The following AMOTL2 variants were observed in gnomAD, a reference collection of about 807,000 sequenced individuals.
AMOTL2 encodes angiomotin-like protein 2.
In AMOTL2, 33 loss-of-function variants were observed where a neutral mutation model predicts 78.4. The ratio of observed to expected loss-of-function variants is 0.42; its 90% CI spans 0.32 to 0.56. AMOTL2 has a LOEUF of 0.56. Among genes scored for constraint, AMOTL2 ranks in the 20% least tolerant of loss-of-function variants. The pLI is 0.12. For missense variants in AMOTL2, 983 were observed against 1,030.1 expected, an observed-to-expected ratio of 0.95 and a Z score of 0.63; for synonymous variants, 422 against 428.8, an observed-to-expected ratio of 0.98 and a Z score of 0.20.
Position 134,366,309 on chromosome 3 carries a change from A to T in AMOTL2, c.1160T>A (p.Leu387Gln). The T allele has an allele frequency of 4.3e-6, 7 of 1,614,178 alleles. No homozygotes were observed. The highest frequency in any genetic ancestry group is 5.9e-6 in the Non-Finnish European group (7 of 1,180,032). ...RNKMDSEMRRLQDFNRDLRER... is the reference protein window; with the variant it reads ...RNKMDSEMRRQQDFNRDLRER... ...TCTAAGATCCCGGTTGAAGTCTTGC[A>T]GCCTCCTCATTTCACTGTCCATCTT... The change falls in exon 4 of 10, where the codon CTG becomes CAG. Residue 387 changes from leucine (L) to glutamine (Q), a missense_variant. Coordinates refer to ENST00000249883, the MANE Select transcript of AMOTL2 (RefSeq NM_016201.4).
rs1180387459 is a variant in AMOTL2, at chr3:134,355,436, C to T, written c.*2269G>A. On this transcript the variant is annotated 3_prime_UTR_variant, in exon 10 of 10. Coordinates refer to ENST00000249883, the MANE Select transcript of AMOTL2 (RefSeq NM_016201.4). The stretch of plus-strand genomic sequence containing the variant: ...GTGATGTCACAGCAAAGGAGGGAGG[C>T]GGTGGCTAAGAACATGCACATTCTT... Among the ~76,000 whole-genome samples, 4 of 152,094 alleles carry T rather than the reference C, an allele frequency of 2.6e-5. No individual in the cohort carries two copies. Among genetic ancestry groups the T allele is most frequent in the East Asian group, 1.9e-4 (1 of 5,186 alleles).
intron 6 of AMOTL2, among the ~76,000 whole-genome samples, chr3:134,361,093 G>A (rs1359235108): frequency 2.0e-5 from 3 of 152,142 alleles, no homozygotes; most frequent in South Asian, 2.1e-4. Context: ...AGAATGGCTT[G>A]AACCTGGGAG....
rs181930857 is a variant in AMOTL2, at chr3:134,367,036, G to C, written c.1041+461C>G. Among the ~76,000 whole-genome samples, 211 of 152,318 alleles carry C rather than the reference G, an allele frequency of 1.4e-3. 1 individual carries two copies. Among genetic ancestry groups the C allele is most frequent in the Non-Finnish European group, 2.1e-3 (143 of 68,030 alleles). The stretch of plus-strand genomic sequence containing the variant: ...GCTCCTCCCACTTGGCTGCTGGCAG[G>C]TTCCGCACGTGCTCTTAGCTGGCCT... On this transcript the variant is annotated intron_variant, in intron 3 of 9. Coordinates refer to ENST00000249883, the MANE Select transcript of AMOTL2 (RefSeq NM_016201.4).
At chr3:134,366,932 A>G (rs545232654) in intron 3 of AMOTL2, 17 of 155,384 alleles carry the variant, frequency 1.1e-4, no homozygotes, top group African/African-American at 3.8e-4. Context: ...TCACTAAAGA[A>G]GCGGGCACCA....
At chr3:134,370,471 G>T (rs1482678746) in intron 2 of AMOTL2, among the ~76,000 whole-genome samples, 1 of 152,214 alleles carries the variant, frequency 6.6e-6, no homozygotes, top group Non-Finnish European at 1.5e-5. Context: ...CTACAGCTAA[G>T]CAGACAATGG....
At chr3:134,363,590 C>T (rs1200825906) in intron 5 of AMOTL2, among the ~76,000 whole-genome samples, 1 of 152,240 alleles carries the variant, frequency 6.6e-6, no homozygotes, top group Non-Finnish European at 1.5e-5. Flanking sequence ...AACAGGCCAG[C>T]CTCAGGCCTC....
chr3:134,366,681 C>T (rs2017620280), intron 3 of AMOTL2: 2 of 405,986 alleles, frequency 4.9e-6, no homozygotes, highest in Non-Finnish European at 8.8e-6. Context: ...GGGCCAGGTA[C>T]TTTGGAAGTA....
chr3:134,370,425 A>C (rs2017797255), intron 2 of AMOTL2, among the ~76,000 whole-genome samples: 1 of 152,184 alleles, frequency 6.6e-6, no homozygotes, highest in South Asian at 2.1e-4. Context: ...CCCCTGCTGC[A>C]ATTTGTGTAC....
chr3:134,367,178 G>A (rs1357944218), intron 3 of AMOTL2, among the ~76,000 whole-genome samples: 1 of 152,190 alleles, frequency 6.6e-6, no homozygotes, highest in African/African-American at 2.4e-5. Flanking sequence ...TCTGTGGGAG[G>A]TGTCCATGGG....
In AMOTL2 at chr3:134,356,115, A is replaced by AT. The variant is rs1270027188; in HGVS notation, c.*1589dup. 1 of 152,494 alleles carries AT rather than the reference A, an allele frequency of 6.6e-6. No individual in the cohort carries two copies. The highest frequency in any genetic ancestry group is 1.9e-4 in the East Asian group (1 of 5,192). The allele number at this position is 152,494 out of a possible 1,614,324, so 9.4% of individuals were successfully genotyped here. On this transcript the variant is annotated 3_prime_UTR_variant, in exon 10 of 10. Coordinates refer to ENST00000249883, the MANE Select transcript of AMOTL2 (RefSeq NM_016201.4). Reference sequence around the variant, plus strand: ...TAAGTTGTTTTTTTTCTTTCACAATATTTTTTGCCTTTTTTTCCTCTTTTT... The same window carrying AT: ...TAAGTTGTTTTTTTTCTTTCACAATATTTTTTTGCCTTTTTTTCCTCTTTTT...
At chr3:134,366,476 A>G (rs1272362789) in intron 3 of AMOTL2, 49 bp from the exon 4 acceptor site, 1 of 1,578,226 alleles carries the variant, frequency 6.3e-7, no homozygotes, top group East Asian at 2.2e-5. Context: ...GCTCCCAGGG[A>G]GTGATTCGAG....
Position 134,371,268 on chromosome 3 carries a change from C to T in AMOTL2, c.166G>A (p.Glu56Lys). The T allele has an allele frequency of 6.2e-7, 1 of 1,612,822 alleles. No individual in the cohort carries two copies. The highest frequency in any genetic ancestry group is 8.5e-7 in the Non-Finnish European group (1 of 1,179,990). ...TGACTGTCCTCTGGGGCCAGGATCT[C>T]CAGGGAGGCCTGGGGGCTCCCTGTA... ...GGTGSPQASL[E>K]ILAPEDSQVL... Residue 56 changes from glutamate to lysine, a missense_variant, in exon 2 of 10, where the codon GAG becomes AAG. Glu to Lys is a moderately conservative substitution (Grantham distance 56). Transcript: ENST00000249883.
Position 134,360,407 on chromosome 3 carries a change from C to A in AMOTL2, c.1582G>T (p.Ala528Ser). The A allele has an allele frequency of 1.9e-6, 3 of 1,610,386 alleles. No homozygotes were observed. The highest frequency in any genetic ancestry group is 2.5e-6 in the Non-Finnish European group (3 of 1,178,180). The stretch of plus-strand genomic sequence containing the variant: ...CCACTGCTACCACCTGGGGCACCTG[C>A]CTGTCTCTGCAGAGCAAGGAGTAGA... The part of the protein sequence containing the change: ...LKALRAQQRQ[A>S]GAPGGSSGSG... The change falls in exon 7 of 10, where the codon GCA (alanine) becomes TCA (serine). Residue 528 changes from alanine (A) to serine (S), a missense_variant. Ala to Ser is a moderately conservative substitution (Grantham distance 99, BLOSUM62 1). Coordinates refer to ENST00000249883, the MANE Select transcript of AMOTL2 (RefSeq NM_016201.4).
upstream of AMOTL2, chr3:134,375,345 A>C: frequency 9.2e-7 from 1 of 1,091,340 alleles, no homozygotes; most frequent in South Asian, 1.3e-5. Context: ...TTCTGTTATC[A>C]TCCCTGTGTT....
Position 134,360,517 on chromosome 3 carries a change from A to C in AMOTL2, c.1576-104T>G, listed in dbSNP as rs2017311274. 1.2e-5 allele frequency: 11 copies of C among 951,616 alleles called. No homozygotes were observed. In the Admixed American group the frequency reaches 2.3e-4, roughly 20 times the overall value. 58.9% of individuals were successfully genotyped at this position (951,616 alleles called of 1,614,324 possible). On this transcript the variant is annotated intron_variant, in intron 6 of 9. Coordinates refer to ENST00000249883, the MANE Select transcript of AMOTL2 (RefSeq NM_016201.4). The stretch of plus-strand genomic sequence containing the variant: ...CTGTCACTTGTACATGTACGTGTTC[A>C]GCCATACACAGCATACATTTCCCCA...
chr3:134,374,346 G>C lies in AMOTL2; in HGVS notation c.-66C>G. On this transcript the variant is annotated 5_prime_UTR_variant, in exon 1 of 10. Coordinates refer to ENST00000249883, the MANE Select transcript of AMOTL2 (RefSeq NM_016201.4). ...GCGCCGAGCGGCCTTCCTTACCGCT[G>C]CGGCCCGAGGGTGCCCAGCGCAGTC... 2 of 983,166 alleles carry C rather than the reference G, an allele frequency of 2.0e-6. No individual in the cohort carries two copies. Among genetic ancestry groups the C allele is most frequent in the Non-Finnish European group, 2.4e-6 (2 of 829,536 alleles). The allele number at this position is 983,166 out of a possible 1,614,324, so 60.9% of individuals were successfully genotyped here.
intron 2 of AMOTL2, among the ~76,000 whole-genome samples, chr3:134,368,141 C>T (rs1342575958): frequency 2.6e-5 from 4 of 152,120 alleles, no homozygotes; most frequent in Non-Finnish European, 5.9e-5. Context: ...TCCTAAGCAA[C>T]TAATGCTTAA....
In AMOTL2 at chr3:134,361,681, G is replaced by T. The variant is rs760616360; in HGVS notation, c.1406C>A (p.Ala469Glu). The T allele has an allele frequency of 6.2e-7, 1 of 1,610,968 alleles. No homozygotes were observed. Among genetic ancestry groups the T allele is most frequent in the South Asian group, 1.1e-5 (1 of 91,070 alleles). The change falls in exon 6 of 10, where the codon GCA becomes GAA. Residue 469 changes from alanine (A) to glutamate (E), a missense_variant. Physicochemically the swap from Ala to Glu is moderately radical, Grantham distance 107. Coordinates refer to ENST00000249883, the MANE Select transcript of AMOTL2 (RefSeq NM_016201.4). ...EQALGNAQGR[A>E]ARAEEELRKK... is the part of the protein sequence containing the mutation. Reference sequence around the variant, plus strand: ...GCGCAGCTCCTCTTCGGCTCGAGCTGCCCGGCCCTGCGCATTGCCCAGAGC... The same window carrying T: ...GCGCAGCTCCTCTTCGGCTCGAGCTTCCCGGCCCTGCGCATTGCCCAGAGC...
Position 134,357,589 on chromosome 3 carries a change from G to T in AMOTL2, c.*116C>A. ...GGGACCAGATGGTCAATGGGAATGA[G>T]TGTCTGGCTGGGGAAAGGGACGGAG... On this transcript the variant is annotated 3_prime_UTR_variant, in exon 10 of 10. Transcript: ENST00000249883. The T allele has an allele frequency of 1.9e-6, 2 of 1,080,112 alleles. No homozygotes were observed. Among genetic ancestry groups the T allele is most frequent in the South Asian group, 1.3e-5 (1 of 77,052 alleles). 66.9% of individuals were successfully genotyped at this position (1,080,112 alleles called of 1,614,324 possible).
Sources: gnomAD v4.1 joint callset for allele counts (sites outside exome capture counted in the v4.1 genomes callset) on GRCh38, gnomAD v4.1.1 for gene constraint, MANE v1.5 for transcripts, NCBI Gene and HGNC (gene_info 2026-07-23, HGNC 2026-07-21) for gene names.